SRD5A2: variants seen among roughly 807,000 people sequenced by gnomAD.
The protein encoded by SRD5A2 is 3-oxo-5-alpha-steroid 4-dehydrogenase 2.
In SRD5A2, 30 loss-of-function variants were observed where a neutral mutation model predicts 27.4. The ratio of observed to expected loss-of-function variants is 1.10; its 90% confidence interval spans 0.82 to 1.49. The LOEUF (loss-of-function observed/expected upper bound fraction) is 1.49, where lower values mean the gene tolerates loss of function less well. SRD5A2 is among the 40% of genes most tolerant of loss of function. The probability of loss-of-function intolerance (pLI) is 0.00; values close to 1 mark genes in which losing one functional copy is unlikely to be tolerated. For synonymous variants in SRD5A2, 141 were observed against 133.6 expected (o/e 1.06, Z -0.38); for missense variants, 348 against 323.4 (o/e 1.08, Z -0.58).
the SRD5A2 span, among the ~76,000 whole-genome samples, chr2:31,650,125 T>C: frequency 2.0e-5 from 3 of 151,956 alleles, no homozygotes; most frequent in Non-Finnish European, 2.9e-5. Context: ...GTCCCCTAAA[T>C]AGGATAAACT....
chr2:31,568,685 C>T (rs1405158363), intron 1 of SRD5A2, among the ~76,000 whole-genome samples: 2 of 152,206 alleles, frequency 1.3e-5, no homozygotes, highest in African/African-American at 4.8e-5. Flanking sequence ...TGCCCCTTTC[C>T]ACCCAGGAGC....
chr2:31,603,745 G>T, the SRD5A2 span, among the ~76,000 whole-genome samples: 1 of 151,922 alleles, frequency 6.6e-6, no homozygotes, highest in Non-Finnish European at 1.5e-5. Flanking sequence ...CGCATGCAAG[G>T]ACATGAATGG....
At chr2:31,604,707 T>C in the SRD5A2 span, among the ~76,000 whole-genome samples, 1 of 151,870 alleles carries the variant, frequency 6.6e-6, no homozygotes, top group Non-Finnish European at 1.5e-5. Context: ...GAAGAATTGA[T>C]ATTGTTAAAA....
chr2:31,624,891 G>C, the SRD5A2 span, among the ~76,000 whole-genome samples: 2 of 152,006 alleles, frequency 1.3e-5, no homozygotes, highest in Admixed American at 6.6e-5. Context: ...GGAATTGCTG[G>C]GTCAGTTGGT....
At chr2:31,596,321 G>T in the SRD5A2 span, among the ~76,000 whole-genome samples, 99 of 150,194 alleles carry the variant, frequency 6.6e-4, 1 homozygote, top group African/African-American at 2.3e-3. Flanking sequence ...CCTGGAGGTG[G>T]AGGTTGCAGT....
chr2:31,646,917 C>T, the SRD5A2 span, among the ~76,000 whole-genome samples: 1 of 152,088 alleles, frequency 6.6e-6, no homozygotes, highest in South Asian at 2.1e-4. Flanking sequence ...GAGGTCAAGG[C>T]GGGCAGATCA....
chr2:31,610,342 T>C, the SRD5A2 span, among the ~76,000 whole-genome samples: 1 of 152,182 alleles, frequency 6.6e-6, no homozygotes, highest in South Asian at 2.1e-4. Flanking sequence ...TCAAGCATAA[T>C]TTATCCCAGG....
At chr2:31,531,575 C>T in intron 2 of SRD5A2, 103 bp from the exon 3 acceptor site, 1 of 764,920 alleles carries the variant, frequency 1.3e-6, no homozygotes, top group Non-Finnish European at 2.1e-6. Flanking sequence ...CATTTAATTT[C>T]TAAATCTAAG....
the SRD5A2 span, among the ~76,000 whole-genome samples, chr2:31,634,571 T>C: frequency 6.6e-6 from 1 of 152,142 alleles, no homozygotes. Flanking sequence ...TTTTATTTTT[T>C]ATTAAGGATA....
At chr2:31,627,904 A>G in the SRD5A2 span, among the ~76,000 whole-genome samples, 3 of 152,094 alleles carry the variant, frequency 2.0e-5, no homozygotes, top group Admixed American at 1.3e-4. Context: ...TACGTAGTCA[A>G]TTTTATAGTG....
At chr2:31,642,336 A>T in the SRD5A2 span, among the ~76,000 whole-genome samples, 1 of 152,106 alleles carries the variant, frequency 6.6e-6, no homozygotes, top group Non-Finnish European at 1.5e-5. Flanking sequence ...TTTCTGACCA[A>T]GTACTTTTTG....
intron 1 of SRD5A2, among the ~76,000 whole-genome samples, chr2:31,566,182 G>A (rs909207343): frequency 6.6e-6 from 1 of 151,964 alleles, no homozygotes; most frequent in Non-Finnish European, 1.5e-5. Context: ...ACAACATGTC[G>A]GAATTTGTGA....
At chr2:31,583,880 G>A (rs1263273598), upstream of SRD5A2, among the ~76,000 whole-genome samples, 2 of 152,064 alleles carry the variant, frequency 1.3e-5, no homozygotes, top group Non-Finnish European at 2.9e-5. Flanking sequence ...ACATGGAGAA[G>A]CACCAGTGTT....
At chr2:31,645,450 A>C in the SRD5A2 span, among the ~76,000 whole-genome samples, 2 of 152,196 alleles carry the variant, frequency 1.3e-5, no homozygotes, top group Non-Finnish European at 2.9e-5. Flanking sequence ...AAAACTAAAA[A>C]TTCAAAAAAT....
the SRD5A2 span, among the ~76,000 whole-genome samples, chr2:31,599,244 A>T: frequency 6.6e-6 from 1 of 152,076 alleles, no homozygotes; most frequent in South Asian, 2.1e-4. Flanking sequence ...TCAGCATTGA[A>T]CATATCTTCC....
At chr2:31,583,652 C>CAAAAAAAAAGCAAAAAAAAAAAAA (rs1667126064), upstream of SRD5A2, among the ~76,000 whole-genome samples, 2 of 20,924 alleles carry the variant, frequency 9.6e-5, no homozygotes, top group African/African-American at 2.7e-4. Flanking sequence ...AAAAAAAAAC[C>CAAAAAAAAAGCAAAAAAAAAAAAA]AAAAAAAAAG....
chr2:31,600,281 T>G, the SRD5A2 span, among the ~76,000 whole-genome samples: 3 of 152,046 alleles, frequency 2.0e-5, no homozygotes. Flanking sequence ...TAAATACTGC[T>G]GCAATAAACA....
chr2:31,641,860 T>C, the SRD5A2 span, among the ~76,000 whole-genome samples: 3 of 151,984 alleles, frequency 2.0e-5, no homozygotes, highest in Non-Finnish European at 4.4e-5. Context: ...CATTGCAACC[T>C]CAGTCAAAAT....
At chr2:31,582,291 G>A (rs1044984513), upstream of SRD5A2, among the ~76,000 whole-genome samples, 2 of 152,110 alleles carry the variant, frequency 1.3e-5, no homozygotes, top group African/African-American at 4.8e-5. Flanking sequence ...CTGGTCCAAT[G>A]ACAGACACAA....
Sources: allele counts gnomAD v4.1 joint callset (sites outside exome capture counted in the v4.1 genomes callset), GRCh38; gene constraint gnomAD v4.1.1; transcripts MANE v1.5; gene names NCBI Gene and HGNC (gene_info 2026-07-23, HGNC 2026-07-21).